Variants in FGF13 observed in about 807,000 individuals in gnomAD.
FGF13 encodes the protein fibroblast growth factor homologous factor 2.
A neutral mutation model predicts 19.5 loss-of-function variants in FGF13; 2 were observed. That is an observed-to-expected ratio of 0.10 (90% CI 0.04 to 0.32). FGF13 has a LOEUF of 0.32. Ranked by LOEUF, FGF13 falls within the 10% of genes least tolerant of loss-of-function variation. The pLI is 1.00. For missense variants in FGF13, 113 were observed against 192.7 expected, an observed-to-expected ratio of 0.59 and a Z score of 2.45; for synonymous variants, 72 against 76.9, an observed-to-expected ratio of 0.94 and a Z score of 0.33.
chrX:138,767,600 G>A (rs759706339), intron 3 of FGF13, among the ~76,000 whole-genome samples: 8 of 111,767 alleles, frequency 7.2e-5, no homozygotes, highest in Admixed American at 1.9e-4. Context: ...AGAAATTCAG[G>A]ACATCTATCT....
intron 1 of FGF13, among the ~76,000 whole-genome samples, chrX:139,002,670 A>C (rs2092078991): frequency 1.8e-5 from 2 of 111,505 alleles, no homozygotes; most frequent in East Asian, 2.8e-4. Context: ...TCTGTCTTGC[A>C]TCACGGATAC....
intron 1 of FGF13, among the ~76,000 whole-genome samples, chrX:138,865,812 C>G (rs1476809379): frequency 9.0e-6 from 1 of 111,237 alleles, no homozygotes; most frequent in Non-Finnish European, 1.9e-5. Context: ...AAATACCCCC[C>G]CAAGAACTTA....
chrX:138,665,497 GAAT>G (rs1236897624), intron 3 of FGF13, among the ~76,000 whole-genome samples: 1 of 111,420 alleles, frequency 9.0e-6, no homozygotes, highest in Non-Finnish European at 1.9e-5. Context: ...TAAACACTTA[GAAT>G]ATGTGTATCT....
At chrX:138,786,859 C>T (rs768050114) in intron 3 of FGF13, among the ~76,000 whole-genome samples, 1 of 112,167 alleles carries the variant, frequency 8.9e-6, no homozygotes, top group Non-Finnish European at 1.9e-5. Flanking sequence ...CTTTTCAGGT[C>T]ACAACATATC....
At chrX:139,044,018 T>C (rs2092279037) in intron 1 of FGF13, among the ~76,000 whole-genome samples, 1 of 111,752 alleles carries the variant, frequency 8.9e-6, no homozygotes, top group African/African-American at 3.3e-5. Context: ...GGGTTTTCTT[T>C]TGGGGTAATA....
chrX:139,139,583 T>G (rs1373171492), intron 1 of FGF13, among the ~76,000 whole-genome samples: 2 of 112,327 alleles, frequency 1.8e-5, no homozygotes, highest in African/African-American at 3.2e-5. Context: ...CGGGGAAAAT[T>G]TATTTGTTCT....
At chrX:139,160,658 C>G (rs6528597) in intron 1 of FGF13, among the ~76,000 whole-genome samples, 13,177 of 111,089 alleles carry the variant, frequency 0.12, 1,304 homozygotes, top group African/African-American at 0.33. Flanking sequence ...AAATGATAAA[C>G]GGGATATCAC....
intron 1 of FGF13, among the ~76,000 whole-genome samples, chrX:139,152,277 G>A (rs1468114096): frequency 9.4e-6 from 1 of 106,730 alleles, no homozygotes; most frequent in African/African-American, 3.5e-5. Context: ...AAAAAAAAAC[G>A]GAGGAGGCCC....
At chrX:138,895,546 A>G (rs745421856) in intron 1 of FGF13, among the ~76,000 whole-genome samples, 1 of 112,259 alleles carries the variant, frequency 8.9e-6, no homozygotes, top group South Asian at 3.7e-4. Flanking sequence ...AGAGATTTGT[A>G]CAGTGTTAGT....
chrX:138,712,944 C>T (rs779981301), upstream of FGF13, among the ~76,000 whole-genome samples: 1 of 112,471 alleles, frequency 8.9e-6, no homozygotes, highest in Admixed American at 9.4e-5. Flanking sequence ...AGAGCTGAAT[C>T]ACCGGACCCT....
chrX:139,081,806 A>G (rs780731756), intron 1 of FGF13, among the ~76,000 whole-genome samples: 58 of 110,453 alleles, frequency 5.3e-4, no homozygotes, highest in Non-Finnish European at 9.3e-4. Flanking sequence ...ACTACTTTTC[A>G]TCACCTCTAC....
Position 139,053,917 on chromosome X carries a change from G to C in FGF13, c.-113+149499C>G, listed in dbSNP as rs372510585. Among the ~76,000 whole-genome samples the C allele has an allele frequency of 4.0e-4, 44 of 110,664 alleles. No individual in the cohort carries two copies. The East Asian group carries it at 4.0e-3, about 10-fold the overall frequency. Reference sequence around the variant, plus strand: ...TAGGTTTAAGTCCTTAATCCATTTTGAGTTGATTTTTGTATAAGGTGAGAG... The same window carrying C: ...TAGGTTTAAGTCCTTAATCCATTTTCAGTTGATTTTTGTATAAGGTGAGAG... On this transcript the variant is annotated intron_variant, in intron 1 of 2. Transcript: ENST00000421460.
intron 1 of FGF13, among the ~76,000 whole-genome samples, chrX:139,025,383 A>C (rs2092197142): frequency 9.0e-6 from 1 of 111,521 alleles, no homozygotes; most frequent in Non-Finnish European, 1.9e-5. Flanking sequence ...CATTCCTTCC[A>C]ATTTCAATAT....
intron 1 of FGF13, among the ~76,000 whole-genome samples, chrX:139,182,824 C>T (rs921501322): frequency 8.9e-6 from 1 of 111,819 alleles, no homozygotes; most frequent in Non-Finnish European, 1.9e-5. Flanking sequence ...TAAAAAAGTA[C>T]ATTTACATGT....
intron 3 of FGF13, among the ~76,000 whole-genome samples, chrX:138,640,878 C>T (rs2124107601): frequency 8.9e-6 from 1 of 111,732 alleles, no homozygotes; most frequent in African/African-American, 3.2e-5. Flanking sequence ...GTGTCCGTAT[C>T]TCAGCAGGAT....
At chrX:138,790,507 T>C (rs1456001026) in intron 3 of FGF13, among the ~76,000 whole-genome samples, 1 of 110,975 alleles carries the variant, frequency 9.0e-6, no homozygotes, top group African/African-American at 3.3e-5. Context: ...CAATAGCCTA[T>C]CCATCACCTG....
At chrX:138,846,111 T>C (rs545763784) in intron 3 of FGF13, among the ~76,000 whole-genome samples, 1 of 110,627 alleles carries the variant, frequency 9.0e-6, no homozygotes, top group Middle Eastern at 4.6e-3. Context: ...AGAGGAACCA[T>C]GTGAGCTGTA....
intron 3 of FGF13, among the ~76,000 whole-genome samples, chrX:138,756,816 C>G (rs1430739442): frequency 9.0e-6 from 1 of 111,379 alleles, no homozygotes; most frequent in Non-Finnish European, 1.9e-5. Flanking sequence ...CCTCCTTCCC[C>G]AACATGCCAT....
intron 3 of FGF13, among the ~76,000 whole-genome samples, chrX:138,664,558 TGAGA>T (rs3831715): frequency 0.014 from 1,479 of 104,323 alleles, 17 homozygotes; most frequent in Non-Finnish European, 0.024. Context: ...TTTGCATGTG[TGAGA>T]GAGAGAGAGA....
Sources: gnomAD v4.1 joint callset for allele counts (sites outside exome capture counted in the v4.1 genomes callset) on GRCh38, gnomAD v4.1.1 for gene constraint, MANE v1.5 for transcripts, NCBI Gene and HGNC (gene_info 2026-07-23, HGNC 2026-07-21) for gene names.